CXCL17: variants seen among roughly 807,000 people sequenced by gnomAD.
The protein encoded by CXCL17 is C-X-C motif chemokine ligand 17, also known as C-X-C motif chemokine 17.
CXCL17 carries 9 observed loss-of-function variants against 15.5 expected under a neutral mutation model. The observed-to-expected ratio is 0.58, with a 90% confidence interval of 0.35 to 1.01. The LOEUF (loss-of-function observed/expected upper bound fraction) is 1.01, where lower values mean the gene tolerates loss of function less well. CXCL17 is among the 50% of genes least tolerant of loss of function. The pLI, the probability that CXCL17 is intolerant of heterozygous loss-of-function variation, is 0.02. For missense variants in CXCL17, 133 were observed against 138.2 expected, an observed-to-expected ratio of 0.96 and a Z score of 0.19; for synonymous variants, 52 against 52.3, an observed-to-expected ratio of 0.99 and a Z score of 0.02.
Position 42,433,848 on chromosome 19 carries a change from T to C in CXCL17, c.88A>G (p.Arg30Gly). Residue 30 changes from arginine (R) to glycine (G), a missense_variant, in exon 2 of 4, where the codon AGA (arginine) becomes GGA (glycine). Transcript: ENST00000601181. ...VSSSLNPGVA[R>G]GHRDRGQASR... ...GCCTGGCCTCGGTCCCTGTGGCCTC[T>C]GGCGACCCCTGTCGGAAGGAAACAG... 2.5e-6 allele frequency: 4 copies of C among 1,613,888 alleles called. No homozygotes were observed. The highest frequency in any genetic ancestry group is 3.4e-6 in the Non-Finnish European group (4 of 1,179,882).
chr19:42,438,651 A>G lies in CXCL17; in HGVS notation c.79+4103T>C, dbSNP rs561491361. Among the ~76,000 whole-genome samples, 13 of 152,130 alleles carry G rather than the reference A, an allele frequency of 8.5e-5. No homozygotes were observed. In the South Asian group the frequency reaches 2.7e-3, roughly 32 times the overall value. On this transcript the variant is annotated intron_variant, in intron 1 of 3. Coordinates refer to ENST00000601181, the MANE Select transcript of CXCL17 (RefSeq NM_198477.3). ...CCTACTAGCAATGGACCTATCAGTC[A>G]GTGCCCATAGTCTGTAAATATCATT... is the stretch of plus-strand genomic sequence containing the variant.
At chr19:42,439,746 C>T (rs1370813567) in intron 1 of CXCL17, among the ~76,000 whole-genome samples, 2 of 152,258 alleles carry the variant, frequency 1.3e-5, no homozygotes. Flanking sequence ...ATTCAGGGGG[C>T]ATTCTACAAA....
At chr19:42,436,699 A>G (rs2040837814) in intron 1 of CXCL17, among the ~76,000 whole-genome samples, 1 of 152,208 alleles carries the variant, frequency 6.6e-6, no homozygotes, top group African/African-American at 2.4e-5. Flanking sequence ...CACATTTTTA[A>G]TGAATGCATA....
At chr19:42,438,175 G>A (rs1196987477) in intron 1 of CXCL17, among the ~76,000 whole-genome samples, 1 of 150,638 alleles carries the variant, frequency 6.6e-6, no homozygotes, top group African/African-American at 2.4e-5. Context: ...TGGCTAACAC[G>A]GTGAAACCCC....
At position 42,428,929 on chromosome 19, in the gene CXCL17, T is replaced by G; in HGVS notation, c.315A>C (p.Gln105His). 6.2e-7 allele frequency: 1 copy of G among 1,614,160 alleles called. No homozygotes were observed. The highest frequency in any genetic ancestry group is 8.5e-7 in the Non-Finnish European group (1 of 1,179,996). ...KPNKHSRACQ[Q>H]FLKQCQLRSF... ...TTCTTAGCTGACATTGTTTGAGAAA[T>G]TGCTGGCAGGCTCTGGAATGCTTGT... Residue 105 changes from glutamine (Q) to histidine (H), a missense_variant, in exon 4 of 4, where the codon CAA becomes CAC. Physicochemically the swap from Gln to His is conservative, Grantham distance 24. Coordinates refer to ENST00000601181, the MANE Select transcript of CXCL17 (RefSeq NM_198477.3).
At chr19:42,429,043 T>A in intron 3 of CXCL17, 62 bp from the exon 4 acceptor site, 2 of 1,354,150 alleles carry the variant, frequency 1.5e-6, no homozygotes, top group Non-Finnish European at 2.1e-6. Flanking sequence ...TCTTTTTTTT[T>A]TGGAGACGGA....
At chr19:42,438,243 A>G (rs1346476501) in intron 1 of CXCL17, among the ~76,000 whole-genome samples, 2 of 148,374 alleles carry the variant, frequency 1.3e-5, no homozygotes, top group African/African-American at 5.0e-5. Flanking sequence ...CTTTAGTCCC[A>G]GCTACTCGGG....
intron 1 of CXCL17, among the ~76,000 whole-genome samples, chr19:42,434,197 A>G (rs1321072724): frequency 6.6e-6 from 1 of 152,108 alleles, no homozygotes; most frequent in Non-Finnish European, 1.5e-5. Flanking sequence ...AGCATATTCA[A>G]AAATTTAATG....
intron 1 of CXCL17, among the ~76,000 whole-genome samples, chr19:42,434,596 T>C (rs751248414): frequency 2.2e-4 from 33 of 151,648 alleles, no homozygotes; most frequent in Non-Finnish European, 4.6e-4. Context: ...TCCTGGCTAG[T>C]TTTTTGTATT....
chr19:42,432,839 C>G, intron 3 of CXCL17, 137 bp downstream of exon 3: 1 of 681,980 alleles, frequency 1.5e-6, no homozygotes, highest in Non-Finnish European at 2.6e-6. Context: ...GACAAGGTGA[C>G]ATTGAGTAGA....
chr19:42,433,797 C>T lies in CXCL17; in HGVS notation c.139G>A (p.Gly47Ser), dbSNP rs567323507. The T allele has an allele frequency of 2.9e-5, 46 of 1,613,988 alleles. No individual in the cohort carries two copies. In the South Asian group the frequency reaches 3.0e-4, roughly 10 times the overall value. Residue 47 changes from glycine (G) to serine (S), a missense_variant, in exon 2 of 4, where the codon GGC becomes AGC. Physicochemically the swap from Gly to Ser is moderately conservative, Grantham distance 56. Transcript: ENST00000601181. ...QASRRWLQEG[G>S]QECECKDWFL... Reference sequence around the variant, plus strand: ...TGACCTTTGCACTCACATTCTTGGCCGCCTTCCTGGAGCCATCTCCTAGAA... The same window carrying T: ...TGACCTTTGCACTCACATTCTTGGCTGCCTTCCTGGAGCCATCTCCTAGAA...
chr19:42,431,369 A>G (rs1489309928), intron 3 of CXCL17, among the ~76,000 whole-genome samples: 1 of 152,090 alleles, frequency 6.6e-6, no homozygotes, highest in Non-Finnish European at 1.5e-5. Flanking sequence ...ATCGTCTCCT[A>G]TTTGGCAGCT....
intron 1 of CXCL17, among the ~76,000 whole-genome samples, chr19:42,435,405 G>A (rs531659316): frequency 2.6e-5 from 4 of 152,128 alleles, no homozygotes; most frequent in East Asian, 3.9e-4. Context: ...TGTGTCTCCC[G>A]AAATTCACAT....
At chr19:42,439,253 C>CAAAA (rs58768697) in intron 1 of CXCL17, among the ~76,000 whole-genome samples, 35 of 77,382 alleles carry the variant, frequency 4.5e-4, no homozygotes, top group Middle Eastern at 6.8e-3. Flanking sequence ...GACTCTATCT[C>CAAAA]AAAAAAAAAA....
chr19:42,430,607 AAAAG>A (rs1004075887), intron 3 of CXCL17, among the ~76,000 whole-genome samples: 9 of 151,562 alleles, frequency 5.9e-5, no homozygotes, highest in East Asian at 1.9e-4. Context: ...AAAAAAAAAA[AAAAG>A]AAAGAAAGAA....
chr19:42,439,253 C>CA (rs58768697), intron 1 of CXCL17, among the ~76,000 whole-genome samples: 43 of 77,462 alleles, frequency 5.6e-4, no homozygotes, highest in Middle Eastern at 6.8e-3. Context: ...GACTCTATCT[C>CA]AAAAAAAAAA....
chr19:42,441,465 C>T (rs1340448217), intron 1 of CXCL17, among the ~76,000 whole-genome samples: 2 of 152,112 alleles, frequency 1.3e-5, no homozygotes, highest in Non-Finnish European at 2.9e-5. Context: ...GGGAGGTACA[C>T]TAGAAAGGCA....
chr19:42,434,082 C>A (rs2040810371), intron 1 of CXCL17, among the ~76,000 whole-genome samples: 1 of 152,204 alleles, frequency 6.6e-6, no homozygotes, highest in Admixed American at 6.5e-5. Context: ...GGTCCTCCTG[C>A]CTTGGCCTCC....
At chr19:42,439,714 C>T (rs189323768) in intron 1 of CXCL17, among the ~76,000 whole-genome samples, 5 of 152,170 alleles carry the variant, frequency 3.3e-5, no homozygotes, top group African/African-American at 7.2e-5. Context: ...AATGTGTAGC[C>T]GGAAATATCA....
Sources: allele counts gnomAD v4.1 joint callset (sites outside exome capture counted in the v4.1 genomes callset), GRCh38; gene constraint gnomAD v4.1.1; transcripts MANE v1.5; gene names NCBI Gene and HGNC (gene_info 2026-07-23, HGNC 2026-07-21).